Variants in MAP2K1 observed in about 807,000 individuals in gnomAD.
The protein encoded by MAP2K1 is dual specificity mitogen-activated protein kinase kinase 1.
A neutral mutation model predicts 46.3 loss-of-function variants in MAP2K1; 16 were observed. That is an observed-to-expected ratio of 0.35 (90% CI 0.23 to 0.52). MAP2K1 has a LOEUF of 0.52. Among genes scored for constraint, MAP2K1 ranks in the 20% least tolerant of loss-of-function variants. MAP2K1 has a pLI of 0.94. For synonymous variants in MAP2K1, 183 were observed against 185.6 expected (o/e 0.99, Z 0.11); for missense variants, 263 against 497.1 (o/e 0.53, Z 4.48).
intron 5 of MAP2K1, among the ~76,000 whole-genome samples, chr15:66,469,781 A>C (rs1892575808): frequency 6.9e-6 from 1 of 145,796 alleles, no homozygotes; most frequent in South Asian, 2.2e-4. Context: ...CCTTTAAAAA[A>C]ATCTGTTTAA....
chr15:66,420,908 CACACACAT>C (rs1421982858), intron 1 of MAP2K1, among the ~76,000 whole-genome samples: 2 of 125,088 alleles, frequency 1.6e-5, no homozygotes, highest in East Asian at 2.7e-4. Context: ...TACATACATA[CACACACAT>C]ACATACATAT....
intron 5 of MAP2K1, among the ~76,000 whole-genome samples, chr15:66,449,367 T>TC (rs1198166701): frequency 2.4e-4 from 36 of 151,938 alleles, no homozygotes; most frequent in African/African-American, 7.7e-4. Flanking sequence ...TACAAAAGAG[T>TC]ACATACTGTG....
intron 5 of MAP2K1, among the ~76,000 whole-genome samples, chr15:66,448,166 A>C (rs201892798): frequency 0.12 from 17,629 of 151,138 alleles, 1,218 homozygotes; most frequent in Non-Finnish European, 0.14. Context: ...AAAAAAAAAA[A>C]AAAAAAACCC....
chr15:66,487,083 C>G, intron 7 of MAP2K1, 145 bp from the exon 8 acceptor site: 1 of 698,666 alleles, frequency 1.4e-6, no homozygotes, highest in South Asian at 1.6e-5. Flanking sequence ...CTGGTCCCCT[C>G]TGTGTTCAAG....
intron 1 of MAP2K1, among the ~76,000 whole-genome samples, chr15:66,391,759 A>T (rs2093356631): frequency 1.3e-5 from 2 of 150,324 alleles, no homozygotes; most frequent in Non-Finnish European, 3.0e-5. Context: ...TTTTTTCCCC[A>T]TTTTCTTTTG....
Position 66,490,845 on chromosome 15 carries a change from T to C in MAP2K1, c.*230T>C. Reference sequence around the variant, plus strand: ...GATTGGCTTTGTGCTTGGGGCTATTTGTGTGTATGCTGATGATCAAAACCT... The same window carrying C: ...GATTGGCTTTGTGCTTGGGGCTATTCGTGTGTATGCTGATGATCAAAACCT... On this transcript the variant is annotated 3_prime_UTR_variant, in exon 11 of 11. Transcript: ENST00000307102. The C allele has an allele frequency of 1.7e-6, 1 of 604,936 alleles. No homozygotes were observed. Among genetic ancestry groups the C allele is most frequent in the African/African-American group, 1.8e-5 (1 of 55,060 alleles). 37.5% of individuals were successfully genotyped at this position (604,936 alleles called of 1,614,324 possible). A position where few individuals can be genotyped will look rare whatever the true frequency, so the allele number is the denominator to read the frequency against.
chr15:66,468,468 G>A (rs1475901465), intron 5 of MAP2K1, among the ~76,000 whole-genome samples: 1 of 152,118 alleles, frequency 6.6e-6, no homozygotes, highest in Admixed American at 6.6e-5. Context: ...ATTAAAGGTG[G>A]ATGCCAAATC....
chr15:66,420,054 G>T (rs1183515156), intron 1 of MAP2K1, among the ~76,000 whole-genome samples: 2 of 151,906 alleles, frequency 1.3e-5, no homozygotes, highest in African/African-American at 4.8e-5. Context: ...GACCACCCTG[G>T]CCAATGTGGT....
chr15:66,461,175 C>G (rs1488822372), intron 5 of MAP2K1, among the ~76,000 whole-genome samples: 1 of 152,124 alleles, frequency 6.6e-6, no homozygotes, highest in Non-Finnish European at 1.5e-5. Flanking sequence ...GAACTTAGCT[C>G]ATGATGCCCA....
intron 1 of MAP2K1, among the ~76,000 whole-genome samples, chr15:66,403,716 A>G (rs144992838): frequency 2.1e-3 from 313 of 152,358 alleles, no homozygotes; most frequent in African/African-American, 6.0e-3. Context: ...GTTGTTTTAC[A>G]GGTTTGTCCG....
At chr15:66,390,532 G>A (rs2093353944) in intron 1 of MAP2K1, among the ~76,000 whole-genome samples, 1 of 152,178 alleles carries the variant, frequency 6.6e-6, no homozygotes, top group Non-Finnish European at 1.5e-5. Flanking sequence ...GTTCAGAGAT[G>A]GAGTTGGGTA....
Position 66,478,868 on chromosome 15 carries a change from C to T in MAP2K1, c.569-2887C>T, listed in dbSNP as rs574805543. 5.6e-4 allele frequency among the ~76,000 whole-genome samples: 85 copies of T among 152,252 alleles called. 1 individual carries two copies. The South Asian group carries it at 0.016, about 29-fold the overall frequency. On this transcript the variant is annotated intron_variant, in intron 5 of 10. Transcript: ENST00000307102. The stretch of plus-strand genomic sequence containing the variant: ...CTGTCTCCTCACAATAAAATTTAAG[C>T]TTCATGACAGTGGGGGACTTGGTCA...
At chr15:66,439,823 T>C (rs867468904) in intron 3 of MAP2K1, among the ~76,000 whole-genome samples, 2 of 151,206 alleles carry the variant, frequency 1.3e-5, no homozygotes, top group African/African-American at 2.4e-5. Flanking sequence ...TAATCCCAGC[T>C]ACTCAGGAAG....
intron 6 of MAP2K1, among the ~76,000 whole-genome samples, chr15:66,484,139 AC>A (rs371480535): frequency 5.7e-4 from 80 of 141,394 alleles, no homozygotes; most frequent in Non-Finnish European, 9.7e-4. Flanking sequence ...ATCAGCCACC[AC>A]CCCCCCCCAC....
chr15:66,444,741 A>G (rs762765882), intron 5 of MAP2K1, 34 bp downstream of exon 5: 7 of 1,559,786 alleles, frequency 4.5e-6, no homozygotes, highest in African/African-American at 1.4e-5. Flanking sequence ...TTTGCTTTGA[A>G]TTTTAGATAT....
intron 1 of MAP2K1, among the ~76,000 whole-genome samples, chr15:66,392,044 C>T (rs1025296348): frequency 6.6e-6 from 1 of 152,012 alleles, no homozygotes; most frequent in African/African-American, 2.4e-5. Context: ...CCAGGCTGAT[C>T]GAGGCATCGT....
intron 1 of MAP2K1, among the ~76,000 whole-genome samples, chr15:66,425,649 CAGAT>C (rs993636968): frequency 2.6e-5 from 4 of 152,146 alleles, no homozygotes; most frequent in African/African-American, 4.8e-5. Flanking sequence ...TTCCAACAGA[CAGAT>C]AGCATCAGCA....
chr15:66,480,882 A>G (rs1892897421), intron 5 of MAP2K1, among the ~76,000 whole-genome samples: 1 of 152,184 alleles, frequency 6.6e-6, no homozygotes, highest in African/African-American at 2.4e-5. Context: ...TCACCTATAA[A>G]TGAGGATAAT....
intron 6 of MAP2K1, among the ~76,000 whole-genome samples, chr15:66,484,445 G>A (rs1201520604): frequency 1.3e-5 from 2 of 152,160 alleles, no homozygotes; most frequent in Non-Finnish European, 1.5e-5. Context: ...ACTGCGTCCC[G>A]GCCCAGCAGC....
Sources: allele counts gnomAD v4.1 joint callset (sites outside exome capture counted in the v4.1 genomes callset), GRCh38; gene constraint gnomAD v4.1.1; transcripts MANE v1.5; gene names NCBI Gene and HGNC (gene_info 2026-07-23, HGNC 2026-07-21).